LMNB1: variants seen among roughly 807,000 people sequenced by gnomAD.
LMNB1 encodes the protein lamin B1, also known as lamin-B1.
Under a neutral mutation model 67.1 loss-of-function variants are expected in LMNB1, and 23 were observed. That is an observed-to-expected ratio of 0.34 (90% CI 0.25 to 0.49). The LOEUF is 0.49. Ranked by LOEUF, LMNB1 falls within the 20% of genes least tolerant of loss-of-function variation. LMNB1 has a pLI of 0.99. For synonymous variants in LMNB1, 281 were observed against 282.9 expected (o/e 0.99, Z 0.07); for missense variants, 634 against 746.5 (o/e 0.85, Z 1.76).
At chr5:126,807,928 G>A (rs2126714030) in intron 3 of LMNB1, among the ~76,000 whole-genome samples, 1 of 152,152 alleles carries the variant, frequency 6.6e-6, no homozygotes, top group South Asian at 2.1e-4. Context: ...CTGGAGTGCA[G>A]TAGTACGATC....
chr5:126,784,014 ATTTTTTT>A (rs61578729), intron 1 of LMNB1, among the ~76,000 whole-genome samples: 8 of 59,438 alleles, frequency 1.3e-4, no homozygotes, highest in Admixed American at 7.6e-4. Flanking sequence ...CTGTCATTTG[ATTTTTTT>A]TTTTTTTTTT....
chr5:126,809,871 C>T (rs1466936533), intron 3 of LMNB1, among the ~76,000 whole-genome samples: 1 of 152,038 alleles, frequency 6.6e-6, no homozygotes, highest in Non-Finnish European at 1.5e-5. Flanking sequence ...GTGTATAAAT[C>T]CTTGATTGCA....
Position 126,797,943 on chromosome 5 carries a change from G to T in LMNB1, c.360-6833G>T, listed in dbSNP as rs143331999. ...CCCCAGCAAAATACAGAAATTAGCC[G>T]GGCGTAGTGGCACATGTGTATACTC... is the stretch of plus-strand genomic sequence containing the variant. On this transcript the variant is annotated intron_variant, in intron 1 of 10. Transcript: ENST00000261366. Among the ~76,000 whole-genome samples the T allele has an allele frequency of 4.5e-3, 685 of 152,164 alleles. 11 individuals carry two copies. Among genetic ancestry groups the T allele is most frequent in the African/African-American group, 0.016 (658 of 41,496 alleles).
At chr5:126,798,696 G>T (rs186958419) in intron 1 of LMNB1, among the ~76,000 whole-genome samples, 1 of 152,110 alleles carries the variant, frequency 6.6e-6, no homozygotes, top group Non-Finnish European at 1.5e-5. Flanking sequence ...GTGTGTGTCT[G>T]TGTGTGTGAT....
chr5:126,779,318 C>T (rs1001159172), intron 1 of LMNB1, among the ~76,000 whole-genome samples: 1 of 152,152 alleles, frequency 6.6e-6, no homozygotes, highest in Non-Finnish European at 1.5e-5. Flanking sequence ...GTTTTTATTT[C>T]TTTGGATATT....
intron 1 of LMNB1, among the ~76,000 whole-genome samples, chr5:126,796,252 T>G (rs1751089151): frequency 6.6e-6 from 1 of 152,000 alleles, no homozygotes; most frequent in East Asian, 1.9e-4. Context: ...TTAATCTCCT[T>G]TTTTTGCCTT....
intron 1 of LMNB1, among the ~76,000 whole-genome samples, chr5:126,778,914 G>T (rs1341810632): frequency 1.3e-5 from 2 of 152,200 alleles, no homozygotes; most frequent in African/African-American, 2.4e-5. Context: ...GGATACATTT[G>T]CAGACCTTTG....
intron 4 of LMNB1, among the ~76,000 whole-genome samples, chr5:126,811,312 TG>T (rs1751572485): frequency 6.6e-6 from 1 of 152,224 alleles, no homozygotes. Context: ...GAGTTTTTTT[TG>T]CTTCTGAAAG....
chr5:126,782,916 C>G (rs1750667898), intron 1 of LMNB1, among the ~76,000 whole-genome samples: 1 of 151,640 alleles, frequency 6.6e-6, no homozygotes, highest in Non-Finnish European at 1.5e-5. Context: ...AAACAAAAAC[C>G]TTTGGCTGGG....
intron 1 of LMNB1, among the ~76,000 whole-genome samples, chr5:126,792,577 T>G (rs1750989583): frequency 6.8e-6 from 1 of 146,668 alleles, no homozygotes; most frequent in Admixed American, 6.7e-5. Context: ...ATTTTTTTTT[T>G]TTTTTTTTTT....
chr5:126,830,088 G>C (rs564653171), intron 9 of LMNB1, among the ~76,000 whole-genome samples: 1 of 152,108 alleles, frequency 6.6e-6, no homozygotes, highest in African/African-American at 2.4e-5. Context: ...ATCATCTTTC[G>C]TCCACATAAG....
At chr5:126,824,400 T>A (rs577958427) in intron 8 of LMNB1, among the ~76,000 whole-genome samples, 1 of 152,260 alleles carries the variant, frequency 6.6e-6, no homozygotes, top group Non-Finnish European at 1.5e-5. Context: ...TTTTTTTTTA[T>A]GTTTAGCTAA....
intron 1 of LMNB1, among the ~76,000 whole-genome samples, chr5:126,785,529 C>G (rs1750758721): frequency 1.3e-5 from 2 of 149,060 alleles, no homozygotes; most frequent in African/African-American, 2.5e-5. Flanking sequence ...CCAGGTTGCC[C>G]AGGCTTGTCT....
chr5:126,824,348 T>TAC (rs1751938162), intron 8 of LMNB1, among the ~76,000 whole-genome samples: 1 of 152,230 alleles, frequency 6.6e-6, no homozygotes, highest in South Asian at 2.1e-4. Flanking sequence ...AATATTGCTT[T>TAC]AACATGTAAT....
intron 1 of LMNB1, among the ~76,000 whole-genome samples, chr5:126,792,230 C>A (rs2112935334): frequency 6.6e-6 from 1 of 151,474 alleles, no homozygotes; most frequent in East Asian, 1.9e-4. Flanking sequence ...GCAACCTCCG[C>A]CTCCTGTGTT....
chr5:126,798,494 G>C (rs1282107264), intron 1 of LMNB1, among the ~76,000 whole-genome samples: 6 of 152,118 alleles, frequency 3.9e-5, no homozygotes, highest in Non-Finnish European at 8.8e-5. Flanking sequence ...TTGATTTATT[G>C]CTATTGTCTG....
intron 8 of LMNB1, among the ~76,000 whole-genome samples, chr5:126,825,009 G>T (rs1336512622): frequency 6.6e-6 from 1 of 152,022 alleles, no homozygotes; most frequent in Admixed American, 6.6e-5. Flanking sequence ...ATAATACTTG[G>T]CTTTGCCATC....
intron 1 of LMNB1, among the ~76,000 whole-genome samples, chr5:126,781,966 C>T (rs1443320331): frequency 6.6e-6 from 1 of 152,160 alleles, no homozygotes; most frequent in Non-Finnish European, 1.5e-5. Context: ...CCATAGAAAA[C>T]AGACCTCATA....
intron 1 of LMNB1, among the ~76,000 whole-genome samples, chr5:126,797,738 G>A (rs558124719): frequency 1.1e-4 from 17 of 152,304 alleles, no homozygotes; most frequent in Admixed American, 1.3e-4. Flanking sequence ...TTAACTCACT[G>A]CATGGCTCCC....
Sources: allele counts gnomAD v4.1 joint callset (sites outside exome capture counted in the v4.1 genomes callset), GRCh38; gene constraint gnomAD v4.1.1; transcripts MANE v1.5; gene names NCBI Gene and HGNC (gene_info 2026-07-23, HGNC 2026-07-21).